Variants in PHACTR1 observed in about 807,000 individuals in gnomAD.
PHACTR1 encodes phosphatase and actin regulator 1.
A neutral mutation model predicts 69.2 loss-of-function variants in PHACTR1; 16 were observed. The ratio of observed to expected loss-of-function variants is 0.23; its 90% CI spans 0.16 to 0.35. PHACTR1 has a LOEUF of 0.35. Among genes scored for constraint, PHACTR1 ranks in the 10% least tolerant of loss-of-function variants. PHACTR1 has a pLI of 1.00. For missense variants in PHACTR1, 510 were observed against 734.7 expected (o/e 0.69, Z 3.54); for synonymous variants, 312 against 284.5 (o/e 1.10, Z -0.97).
intron 4 of PHACTR1, among the ~76,000 whole-genome samples, chr6:12,882,284 A>T (rs2127456917): frequency 6.6e-6 from 1 of 152,212 alleles, no homozygotes; most frequent in African/African-American, 2.4e-5. Context: ...GAAGGGAGAG[A>T]TTGGAGATGA....
chr6:13,187,967 T>C (rs1763030634), intron 7 of PHACTR1, among the ~76,000 whole-genome samples: 1 of 152,222 alleles, frequency 6.6e-6, no homozygotes, highest in South Asian at 2.1e-4. Context: ...AAGTTTCATC[T>C]ATGAGCCCAG....
chr6:13,079,083 A>AT (rs1339397831), intron 5 of PHACTR1, among the ~76,000 whole-genome samples: 4 of 152,136 alleles, frequency 2.6e-5, no homozygotes, highest in African/African-American at 4.8e-5. Flanking sequence ...AAGATATTTG[A>AT]TTTTTCCAGA....
intron 4 of PHACTR1, among the ~76,000 whole-genome samples, chr6:12,951,990 A>G (rs905841392): frequency 1.3e-5 from 2 of 152,142 alleles, no homozygotes; most frequent in African/African-American, 4.8e-5. Context: ...CCAGTGAAAA[A>G]CAATTGGTGC....
chr6:13,205,793 T>A, intron 7 of PHACTR1, 22 bp from the exon 8 acceptor site: 1 of 1,559,850 alleles, frequency 6.4e-7, no homozygotes, highest in Non-Finnish European at 8.7e-7. Flanking sequence ...CACATCTGCC[T>A]CTCGCCCTCT....
chr6:12,931,026 A>AAG, intron 4 of PHACTR1, among the ~76,000 whole-genome samples: 1 of 149,024 alleles, frequency 6.7e-6, no homozygotes, highest in Non-Finnish European at 1.5e-5. Context: ...AAAAAAAAAA[A>AAG]GAAGGTGACA....
chr6:13,133,381 T>TG (rs1477205447), intron 5 of PHACTR1, among the ~76,000 whole-genome samples: 1 of 151,462 alleles, frequency 6.6e-6, no homozygotes, highest in East Asian at 2.0e-4. Flanking sequence ...CTCGGCTCAC[T>TG]GCACCCTCCC....
At chr6:12,876,761 A>G (rs1457049533) in intron 4 of PHACTR1, among the ~76,000 whole-genome samples, 1 of 152,174 alleles carries the variant, frequency 6.6e-6, no homozygotes, top group African/African-American at 2.4e-5. Context: ...TAGATTAGAT[A>G]TAGGTAGGTT....
At chr6:12,962,310 G>T (rs1244994801) in intron 4 of PHACTR1, among the ~76,000 whole-genome samples, 1 of 152,010 alleles carries the variant, frequency 6.6e-6, no homozygotes, top group Admixed American at 6.6e-5. Flanking sequence ...CTCTTTCAAG[G>T]CCCTTTCTCC....
intron 5 of PHACTR1, among the ~76,000 whole-genome samples, chr6:13,057,071 A>G (rs1176975389): frequency 1.3e-5 from 2 of 152,212 alleles, no homozygotes; most frequent in Admixed American, 1.3e-4. Flanking sequence ...GGAATAAAGT[A>G]TAATATTTGA....
intron 10 of PHACTR1, chr6:13,253,072 G>A (rs1477986896): frequency 6.6e-6 from 3 of 454,630 alleles, no homozygotes; most frequent in East Asian, 1.4e-4. Flanking sequence ...TGAATGAGGA[G>A]GGAAAGGATC....
At chr6:13,278,864 G>A (rs1053156021) in intron 12 of PHACTR1, among the ~76,000 whole-genome samples, 2 of 151,836 alleles carry the variant, frequency 1.3e-5, no homozygotes, top group East Asian at 3.9e-4. Context: ...ATGGGAGTCT[G>A]AGGTTGGAGA....
intron 4 of PHACTR1, among the ~76,000 whole-genome samples, chr6:12,946,501 G>A (rs1160433891): frequency 1.3e-5 from 2 of 152,100 alleles, no homozygotes; most frequent in African/African-American, 2.4e-5. Context: ...GATGTGAATT[G>A]GGAAAATTGC....
chr6:13,010,153 G>T (rs1353625239), intron 4 of PHACTR1, among the ~76,000 whole-genome samples: 5 of 151,900 alleles, frequency 3.3e-5, no homozygotes, highest in Non-Finnish European at 7.4e-5. Context: ...TTGAGACGGT[G>T]TTTTGCTCTT....
chr6:13,218,566 G>A (rs553463635), intron 8 of PHACTR1, among the ~76,000 whole-genome samples: 202 of 152,246 alleles, frequency 1.3e-3, no homozygotes, highest in African/African-American at 4.7e-3. Context: ...GAAAAGGCCA[G>A]GCACGGTGGC....
At chr6:13,137,265 G>T (rs180888599) in intron 5 of PHACTR1, among the ~76,000 whole-genome samples, 1 of 152,252 alleles carries the variant, frequency 6.6e-6, no homozygotes, top group Admixed American at 6.5e-5. Context: ...GAAACAGGAG[G>T]CATTTGGTTT....
In PHACTR1 at chr6:13,128,255, C is replaced by T. The variant is rs188975538; in HGVS notation, c.416-31949C>T. Among the ~76,000 whole-genome samples, 5 of 11,726 alleles carry T rather than the reference C, an allele frequency of 4.3e-4. No individual in the cohort carries two copies. The East Asian group carries it at 4.8e-3, about 11-fold the overall frequency. 7.7% of individuals were successfully genotyped at this position (11,726 alleles called of 152,430 possible). A position where few individuals can be genotyped will look rare whatever the true frequency, so the allele number is the denominator to read the frequency against. On this transcript the variant is annotated intron_variant, in intron 5 of 14. Transcript: ENST00000332995. ...ATAAAACAGTGTTCTGTAATACCCCCGATCATACCAGCTTCCCAGCAATGG... is the reference window on the plus strand; with the variant it reads ...ATAAAACAGTGTTCTGTAATACCCCTGATCATACCAGCTTCCCAGCAATGG...
chr6:13,070,254 C>A (rs577026768), intron 5 of PHACTR1, among the ~76,000 whole-genome samples: 2 of 152,176 alleles, frequency 1.3e-5, no homozygotes, highest in South Asian at 2.1e-4. Context: ...TTGGGTTTCC[C>A]CAGAATTCTT....
intron 5 of PHACTR1, among the ~76,000 whole-genome samples, chr6:13,113,896 G>A (rs973543672): frequency 4.6e-5 from 7 of 152,150 alleles, no homozygotes; most frequent in Non-Finnish European, 8.8e-5. Context: ...AAAGTATTGA[G>A]CAAGGTAACC....
In PHACTR1 at chr6:13,205,893, G is replaced by C. The variant is rs1450751464; in HGVS notation, c.743G>C (p.Cys248Ser). The C allele has an allele frequency of 6.2e-7, 1 of 1,613,348 alleles. No homozygotes were observed. Among genetic ancestry groups the C allele is most frequent in the Non-Finnish European group, 8.5e-7 (1 of 1,179,364 alleles). ...CTACCTCCAAAGAAAGTCATGATCTGTATGCCCGTGGGGGGGCCAGACCTC... is the reference window on the plus strand; with the variant it reads ...CTACCTCCAAAGAAAGTCATGATCTCTATGCCCGTGGGGGGGCCAGACCTC... ...PPLPPKKVMI[C>S]MPVGGPDLSL... The change falls in exon 8 of 15, where the codon TGT (cysteine) becomes TCT (serine). Residue 248 changes from cysteine to serine, a missense_variant. By Grantham distance (112) the Cys-to-Ser change is moderately radical. This residue lies in a region of PHACTR1 where 419 missense variants were observed against 530.9 expected (regional missense o/e 0.79). Coordinates refer to ENST00000332995, the MANE Select transcript of PHACTR1 (RefSeq NM_030948.6).
Sources: gnomAD v4.1 joint callset for allele counts (sites outside exome capture counted in the v4.1 genomes callset) on GRCh38, gnomAD v4.1.1 for gene constraint, gnomAD v4.1.1 regional missense constraint, MANE v1.5 for transcripts, NCBI Gene and HGNC (gene_info 2026-07-23, HGNC 2026-07-21) for gene names.